The following NRXN2 variants were observed in gnomAD, a reference collection of about 807,000 sequenced individuals.
NRXN2 encodes neurexin 2, also known as neurexin-2-beta.
NRXN2 carries 29 observed loss-of-function variants against 128.8 expected under a neutral mutation model. That is an observed-to-expected ratio of 0.23 (90% CI 0.17 to 0.31). The LOEUF (loss-of-function observed/expected upper bound fraction) is 0.31, where lower values mean the gene tolerates loss of function less well. Among genes scored for constraint, NRXN2 ranks in the 10% least tolerant of loss-of-function variants. The pLI is 1.00. For synonymous variants in NRXN2, 1,098 were observed against 1,075.2 expected (o/e 1.02, Z -0.41); for missense variants, 1,881 against 2,452.6 (o/e 0.77, Z 4.92).
At chr11:64,679,292 T>C (rs2135546710) in intron 6 of NRXN2, among the ~76,000 whole-genome samples, 1 of 152,334 alleles carries the variant, frequency 6.6e-6, no homozygotes, top group East Asian at 1.9e-4. Context: ...TCAAAAGTTT[T>C]CAACTTTATG....
chr11:64,684,698 G>A lies in NRXN2; in HGVS notation c.1152+948C>T, dbSNP rs553281002. ...GGAGGATGACAGGAGGAGAGACAAG[G>A]AAAGTTAGCCACCACACCGCTAGAA... On this transcript the variant is annotated intron_variant, in intron 6 of 22. Coordinates refer to ENST00000265459, the MANE Select transcript of NRXN2 (RefSeq NM_015080.4). Among the ~76,000 whole-genome samples, 17 of 152,270 alleles carry A rather than the reference G, an allele frequency of 1.1e-4. No individual in the cohort carries two copies. In the South Asian group the frequency reaches 3.5e-3, roughly 32 times the overall value.
intron 22 of NRXN2, among the ~76,000 whole-genome samples, chr11:64,613,195 T>G (rs745511312): frequency 2.0e-5 from 3 of 152,230 alleles, no homozygotes; most frequent in African/African-American, 7.2e-5. Context: ...CCCAAGCACA[T>G]GTGTGCATGC....
chr11:64,636,293 C>T (rs2044705117), intron 17 of NRXN2, among the ~76,000 whole-genome samples: 4 of 151,930 alleles, frequency 2.6e-5, no homozygotes, highest in African/African-American at 9.7e-5. Context: ...CTCTTCTTCG[C>T]CAGCCGGCTG....
chr11:64,613,138 G>A (rs1007436472), intron 22 of NRXN2, among the ~76,000 whole-genome samples: 18 of 152,232 alleles, frequency 1.2e-4, no homozygotes, highest in African/African-American at 4.3e-4. Context: ...GTACATTGTG[G>A]CATATGCACA....
In NRXN2 at chr11:64,689,530, C is replaced by T. The variant is rs2053541565; in HGVS notation, c.850+875G>A. Among the ~76,000 whole-genome samples the T allele has an allele frequency of 2.6e-5, 4 of 152,232 alleles. No individual in the cohort carries two copies. The South Asian group carries it at 6.2e-4, about 24-fold the overall frequency. ...TGCTGAGCACACAGCTACTTATGTG[C>T]CAAGAGCTGTGTGAAGCACCGGGGG... On this transcript the variant is annotated intron_variant, in intron 5 of 22. Transcript: ENST00000265459.
chr11:64,640,598 TG>T (rs1317984897), intron 17 of NRXN2, among the ~76,000 whole-genome samples: 11 of 151,094 alleles, frequency 7.3e-5, no homozygotes, highest in Non-Finnish European at 1.2e-4. Context: ...AGCAAGGGGT[TG>T]GGTGGGGTCA....
chr11:64,623,099 T>G lies in NRXN2; in HGVS notation c.3848-21A>C, dbSNP rs1591556235. 6.3e-7 allele frequency: 1 copy of G among 1,580,654 alleles called. No individual in the cohort carries two copies. The highest frequency in any genetic ancestry group is 2.3e-5 in the East Asian group (1 of 43,818). On this transcript the variant is annotated intron_variant, in intron 20 of 22. Coordinates refer to ENST00000265459, the MANE Select transcript of NRXN2 (RefSeq NM_015080.4). This position sits in a 1 kb window ranked among gnomAD's most constrained non-coding sequence, Gnocchi z 4.9. Reference sequence around the variant, plus strand: ...GCGGCCTTGCAGGAGTGGAAGGGGGTGACAGAGAAGGGGCAGGCAGTGAGG... The same window carrying G: ...GCGGCCTTGCAGGAGTGGAAGGGGGGGACAGAGAAGGGGCAGGCAGTGAGG...
chr11:64,691,803 G>C (rs879891742), intron 4 of NRXN2, among the ~76,000 whole-genome samples: 4 of 152,130 alleles, frequency 2.6e-5, no homozygotes, highest in African/African-American at 4.8e-5. Context: ...TACCTCCCCA[G>C]ACCTAAATCC....
chr11:64,689,241 T>C (rs970072883), intron 5 of NRXN2, among the ~76,000 whole-genome samples: 1 of 148,614 alleles, frequency 6.7e-6, no homozygotes, highest in Non-Finnish European at 1.5e-5. Context: ...TCTTTCTCAA[T>C]GATTTTTTTT....
chr11:64,646,821 C>T (rs2046749083), intron 17 of NRXN2, among the ~76,000 whole-genome samples: 2 of 152,014 alleles, frequency 1.3e-5, no homozygotes, highest in South Asian at 4.1e-4. Context: ...CAGGCTGGAA[C>T]ACCCTCAGCT....
intron 2 of NRXN2, among the ~76,000 whole-genome samples, chr11:64,701,466 C>T (rs901108670): frequency 4.6e-5 from 7 of 152,218 alleles, no homozygotes; most frequent in Non-Finnish European, 1.0e-4. Context: ...GGGCTAGCTA[C>T]AATGGTTCGC....
chr11:64,673,414 T>C (rs1207715825), intron 7 of NRXN2, among the ~76,000 whole-genome samples: 1 of 152,050 alleles, frequency 6.6e-6, no homozygotes, highest in East Asian at 1.9e-4. Context: ...TAAAAATAAA[T>C]TGGAAACTAA....
chr11:64,607,618 G>A lies in NRXN2; in HGVS notation c.4717C>T (p.Pro1573Ser). 1 of 1,536,116 alleles carries A rather than the reference G, an allele frequency of 6.5e-7. No individual in the cohort carries two copies. The highest frequency in any genetic ancestry group is 8.7e-7 in the Non-Finnish European group (1 of 1,143,602). The change falls in exon 23 of 23, where the codon CCC becomes TCC. Residue 1573 changes from proline to serine, a missense_variant. Pro to Ser is a moderately conservative substitution (Grantham distance 74). Transcript: ENST00000265459. ...CCCAAGGGCGGGTTCTCCAGCAAGG[G>A]CTGAAGCGGGTCTCGGTGGTTCATT... ...GKMNHRDPLQ[P>S]LLENPPLGPG...
chr11:64,688,317 G>A (rs1348529576), intron 5 of NRXN2: 8 of 985,338 alleles, frequency 8.1e-6, no homozygotes, highest in Non-Finnish European at 9.6e-6. Flanking sequence ...TCAGCCCAGA[G>A]ACGCCAAGAG....
At chr11:64,683,851 C>T (rs949787301) in intron 6 of NRXN2, among the ~76,000 whole-genome samples, 3 of 152,050 alleles carry the variant, frequency 2.0e-5, no homozygotes, top group Admixed American at 2.0e-4. Flanking sequence ...AAGAAGCAGC[C>T]GAGGGTCACT....
At position 64,692,850 on chromosome 11, in the gene NRXN2, C is replaced by T. The variant is rs780815530; in HGVS notation, c.775G>A (p.Glu259Lys). 5 of 1,613,126 alleles carry T rather than the reference C, an allele frequency of 3.1e-6. No individual in the cohort carries two copies. Among genetic ancestry groups the T allele is most frequent in the East Asian group, 4.5e-5 (2 of 44,850 alleles). The part of the protein sequence containing the change: ...EGPAHLTLNS[E>K]VGSLLFSEGG... ...AAACCAAAACTTCAAACCATACCTTCGCTGTTTAACGTCAGGTGAGCCGGA... is the reference window on the plus strand; with the variant it reads ...AAACCAAAACTTCAAACCATACCTTTGCTGTTTAACGTCAGGTGAGCCGGA... The change falls in exon 4 of 23, where the codon GAA (glutamate) becomes AAA (lysine). Residue 259 changes from glutamate to lysine, a missense_variant. Physicochemically the swap from Glu to Lys is moderately conservative, Grantham distance 56 (BLOSUM62 1). Coordinates refer to ENST00000265459, the MANE Select transcript of NRXN2 (RefSeq NM_015080.4).
intron 12 of NRXN2, among the ~76,000 whole-genome samples, chr11:64,652,821 G>A (rs1039049647): frequency 6.6e-6 from 1 of 152,048 alleles, no homozygotes; most frequent in African/African-American, 2.4e-5. Flanking sequence ...TAGGAACTAT[G>A]GCCATTTACT....
intron 9 of NRXN2, chr11:64,661,352 G>A (rs1177052031): frequency 6.9e-7 from 1 of 1,448,570 alleles, no homozygotes; most frequent in East Asian, 2.5e-5. Flanking sequence ...AGGCTTCTGT[G>A]ACGCAGCCCC....
At chr11:64,695,966 C>T (rs556498039) in intron 3 of NRXN2, among the ~76,000 whole-genome samples, 2 of 152,198 alleles carry the variant, frequency 1.3e-5, no homozygotes, top group African/African-American at 4.8e-5. Flanking sequence ...AAGTGCCCCC[C>T]TGCCTTTCTT....
Sources: allele counts gnomAD v4.1 joint callset (sites outside exome capture counted in the v4.1 genomes callset), GRCh38; gene constraint gnomAD v4.1.1; non-coding constraint Gnocchi (gnomAD v3.1); transcripts MANE v1.5; gene names NCBI Gene and HGNC (gene_info 2026-07-23, HGNC 2026-07-21).